CACNA1D: variants seen among roughly 807,000 people sequenced by gnomAD.
CACNA1D encodes voltage-dependent L-type calcium channel subunit alpha-1D.
Under a neutral mutation model 257.1 loss-of-function variants are expected in CACNA1D, and 55 were observed. That is an observed-to-expected ratio of 0.21 (90% confidence interval 0.17 to 0.27). CACNA1D has a LOEUF of 0.27. Ranked by LOEUF, CACNA1D falls within the 10% of genes least tolerant of loss-of-function variation. CACNA1D has a pLI of 1.00. For synonymous variants in CACNA1D, 980 were observed against 1,014.9 expected (o/e 0.97, Z 0.65); for missense variants, 1,876 against 2,784.0 (o/e 0.67, Z 7.34).
chr3:53,630,363 A>G (rs1298144170), intron 3 of CACNA1D, among the ~76,000 whole-genome samples: 1 of 152,216 alleles, frequency 6.6e-6, no homozygotes, highest in Non-Finnish European at 1.5e-5. Flanking sequence ...TTATACATCC[A>G]TATCTGATTC....
In CACNA1D at chr3:53,732,971, T is replaced by C; in HGVS notation, c.2621+9T>C. The C allele has an allele frequency of 1.2e-6, 2 of 1,613,720 alleles. No homozygotes were observed. Among genetic ancestry groups the C allele is most frequent in the Non-Finnish European group, 1.7e-6 (2 of 1,179,752 alleles). ...CTTAGCAAGACCAACCCGTAAATACTCCCCTTCTAGTCTCTCACGGCTGCC... is the reference window on the plus strand; with the variant it reads ...CTTAGCAAGACCAACCCGTAAATACCCCCCTTCTAGTCTCTCACGGCTGCC... On this transcript the variant is annotated intron_variant, in intron 19 of 47. Transcript: ENST00000350061.
rs552503344 is a variant in CACNA1D at position 53,551,086 on chromosome 3, C to T, written c.483+49366C>T. On this transcript the variant is annotated intron_variant, in intron 3 of 47. Transcript: ENST00000350061. ...TTAAACTGATGAACATATAGTTCTCCGCACTTGTATTGGCTGGTTTTTAAT... is the reference window on the plus strand; with the variant it reads ...TTAAACTGATGAACATATAGTTCTCTGCACTTGTATTGGCTGGTTTTTAAT... Among the ~76,000 whole-genome samples, 83 of 152,266 alleles carry T rather than the reference C, an allele frequency of 5.5e-4. No homozygotes were observed. The South Asian group carries it at 8.3e-3, about 15-fold the overall frequency.
chr3:53,642,401 CG>C (rs2093966870), intron 3 of CACNA1D, among the ~76,000 whole-genome samples: 1 of 152,216 alleles, frequency 6.6e-6, no homozygotes, highest in Admixed American at 6.5e-5. Context: ...TGCCTATCCC[CG>C]AACCAATAAC....
At chr3:53,703,992 G>A (rs930620952) in intron 9 of CACNA1D, among the ~76,000 whole-genome samples, 1 of 152,312 alleles carries the variant, frequency 6.6e-6, no homozygotes, top group East Asian at 1.9e-4. Context: ...TTCAGTGTCA[G>A]AAGAAGCACC....
At chr3:53,716,389 A>T (rs534799102) in intron 9 of CACNA1D, among the ~76,000 whole-genome samples, 1 of 152,370 alleles carries the variant, frequency 6.6e-6, no homozygotes, top group East Asian at 1.9e-4. Flanking sequence ...TCATGATCAG[A>T]TGTGAAAAGG....
intron 27 of CACNA1D, among the ~76,000 whole-genome samples, chr3:53,750,696 G>T (rs2095217876): frequency 6.6e-6 from 1 of 152,196 alleles, no homozygotes; most frequent in African/African-American, 2.4e-5. Flanking sequence ...CTGAAAGTGT[G>T]TCAGCCTCTG....
intron 32 of CACNA1D, 127 bp from the exon 33 acceptor site, chr3:53,772,706 A>G (rs2095372919): frequency 1.3e-6 from 1 of 744,170 alleles, no homozygotes; most frequent in Admixed American, 1.9e-5. Flanking sequence ...CTCACTGTCG[A>G]TATTCTTTCA....
intron 28 of CACNA1D, 58 bp from the exon 29 acceptor site, chr3:53,753,514 C>A: frequency 8.7e-7 from 1 of 1,153,994 alleles, no homozygotes; most frequent in Non-Finnish European, 1.3e-6. Flanking sequence ...CCTCCATGTG[C>A]AAGCATGTGA....
chr3:53,621,194 G>A (rs77667492), intron 3 of CACNA1D, among the ~76,000 whole-genome samples: 3,843 of 152,200 alleles, frequency 0.025, 66 homozygotes, highest in East Asian at 0.051. Flanking sequence ...CAATATGGAC[G>A]GGACTGGGGA....
chr3:53,762,675 A>G (rs1375025531), intron 30 of CACNA1D: 2 of 456,102 alleles, frequency 4.4e-6, no homozygotes, highest in Admixed American at 4.7e-5. Context: ...GGTTGTTTTC[A>G]TTAAGTCTGA....
At chr3:53,628,111 G>C (rs139717711) in intron 3 of CACNA1D, among the ~76,000 whole-genome samples, 1 of 152,284 alleles carries the variant, frequency 6.6e-6, no homozygotes, top group Non-Finnish European at 1.5e-5. Flanking sequence ...CTGGGTAACA[G>C]GAAGCAGTCA....
intron 8 of CACNA1D, among the ~76,000 whole-genome samples, chr3:53,675,764 A>G (rs1430155830): frequency 1.3e-5 from 2 of 152,228 alleles, no homozygotes; most frequent in Admixed American, 1.3e-4. Context: ...TTTTTTTAAA[A>G]AATATTTTTT....
Position 53,749,482 on chromosome 3 carries a change from C to T in CACNA1D, c.3516+13C>T, listed in dbSNP as rs201199736. On this transcript the variant is annotated intron_variant, in intron 27 of 47. Coordinates refer to ENST00000350061, the MANE Select transcript of CACNA1D (RefSeq NM_001128840.3). ...GGACAAAAATCAGGTTAAAGTCACA[C>T]ACTGTTTTGGCTTCTGTCCCTTGGT... The T allele has an allele frequency of 6.3e-6, 10 of 1,590,546 alleles. No homozygotes were observed. In the East Asian group the frequency reaches 2.2e-4, roughly 35 times the overall value.
At chr3:53,526,621 C>T (rs966601904) in intron 3 of CACNA1D, among the ~76,000 whole-genome samples, 2 of 152,176 alleles carry the variant, frequency 1.3e-5, no homozygotes, top group Non-Finnish European at 2.9e-5. Flanking sequence ...AATGGCACGC[C>T]CTCCAATTGG....
At chr3:53,607,913 G>T (rs931188367) in intron 3 of CACNA1D, among the ~76,000 whole-genome samples, 3 of 152,152 alleles carry the variant, frequency 2.0e-5, no homozygotes, top group African/African-American at 7.2e-5. Flanking sequence ...ATCCCACTAT[G>T]TCTTGATTAA....
At chr3:53,533,950 T>C (rs563426178) in intron 3 of CACNA1D, among the ~76,000 whole-genome samples, 5 of 152,322 alleles carry the variant, frequency 3.3e-5, no homozygotes, top group African/African-American at 1.2e-4. Flanking sequence ...ATCCATCATA[T>C]AGGCAATACA....
intron 5 of CACNA1D, among the ~76,000 whole-genome samples, chr3:53,663,207 A>G (rs1368315111): frequency 6.6e-6 from 1 of 152,142 alleles, no homozygotes; most frequent in Non-Finnish European, 1.5e-5. Flanking sequence ...AAGATTTGTC[A>G]TTATTGCTAA....
chr3:53,743,529 T>C (rs1452452383), intron 22 of CACNA1D, among the ~76,000 whole-genome samples: 1 of 152,214 alleles, frequency 6.6e-6, no homozygotes, highest in African/African-American at 2.4e-5. Context: ...AGCTTAGATA[T>C]TGAGAACTTC....
intron 25 of CACNA1D, among the ~76,000 whole-genome samples, chr3:53,746,592 C>T (rs940276686): frequency 3.3e-5 from 5 of 152,084 alleles, no homozygotes; most frequent in Non-Finnish European, 5.9e-5. Flanking sequence ...TTATTTTAAG[C>T]AGAAGGTGCA....
Sources: gnomAD v4.1 joint callset for allele counts (sites outside exome capture counted in the v4.1 genomes callset) on GRCh38, gnomAD v4.1.1 for gene constraint, MANE v1.5 for transcripts, NCBI Gene and HGNC (gene_info 2026-07-23, HGNC 2026-07-21) for gene names.